Variants in ATAD2 observed in about 807,000 individuals in gnomAD.
The protein encoded by ATAD2 is ATPase family AAA domain-containing protein 2.
Under a neutral mutation model 168.9 loss-of-function variants are expected in ATAD2, and 62 were observed. The observed-to-expected ratio is 0.37, with a 90% CI of 0.30 to 0.45. The LOEUF (loss-of-function observed/expected upper bound fraction) is 0.45. Among genes scored for constraint, ATAD2 ranks in the 20% least tolerant of loss-of-function variants. ATAD2 has a pLI of 1.00. For synonymous variants in ATAD2, 613 were observed against 571.6 expected (o/e 1.07, Z -1.03); for missense variants, 1,419 against 1,667.8 (o/e 0.85, Z 2.60).
chr8:123,356,736 CT>C (rs1828657124), intron 12 of ATAD2, among the ~76,000 whole-genome samples: 1 of 151,400 alleles, frequency 6.6e-6, no homozygotes, highest in East Asian at 1.9e-4. Flanking sequence ...CAACCTCTGC[CT>C]CCTGGGTTCA....
intron 19 of ATAD2, among the ~76,000 whole-genome samples, chr8:123,343,169 T>A (rs949321194): frequency 3.3e-5 from 5 of 151,964 alleles, no homozygotes; most frequent in African/African-American, 1.2e-4. Flanking sequence ...AGAGACAAGG[T>A]TTCACCATGT....
At chr8:123,368,903 G>A (rs190960450) in intron 8 of ATAD2, among the ~76,000 whole-genome samples, 155 bp downstream of exon 8, 7 of 152,172 alleles carry the variant, frequency 4.6e-5, no homozygotes, top group African/African-American at 1.7e-4. Context: ...CAGTGGTACT[G>A]GGGATTAGAC....
chr8:123,336,882 T>C (rs1827930147), intron 21 of ATAD2, among the ~76,000 whole-genome samples: 1 of 151,948 alleles, frequency 6.6e-6, no homozygotes, highest in Non-Finnish European at 1.5e-5. Flanking sequence ...ATATCATGCC[T>C]GTAATCCCCA....
At chr8:123,357,889 C>T (rs969820390) in intron 11 of ATAD2, among the ~76,000 whole-genome samples, 153 bp from the exon 12 acceptor site, 1 of 152,172 alleles carries the variant, frequency 6.6e-6, no homozygotes, top group African/African-American at 2.4e-5. Flanking sequence ...CAAAGCACAA[C>T]TTAAAACCTG....
At chr8:123,341,876 C>A (rs1054165945) in intron 19 of ATAD2, among the ~76,000 whole-genome samples, 3 of 152,170 alleles carry the variant, frequency 2.0e-5, no homozygotes, top group African/African-American at 7.2e-5. Context: ...CACCTGAGGT[C>A]AGGAGTTCAA....
At chr8:123,365,760 A>C (rs1384998944) in intron 8 of ATAD2, among the ~76,000 whole-genome samples, 1 of 152,216 alleles carries the variant, frequency 6.6e-6, no homozygotes, top group Non-Finnish European at 1.5e-5. Flanking sequence ...CCTGATACAA[A>C]AATCAACTCA....
intron 24 of ATAD2, among the ~76,000 whole-genome samples, chr8:123,330,241 T>C (rs1827739724): frequency 6.6e-6 from 1 of 152,052 alleles, no homozygotes; most frequent in Non-Finnish European, 1.5e-5. Context: ...CCTACCACCT[T>C]AGCCTCCCAA....
At chr8:123,348,447 C>T (rs925687831) in intron 14 of ATAD2, among the ~76,000 whole-genome samples, 174 bp from the exon 15 acceptor site, 4 of 152,080 alleles carry the variant, frequency 2.6e-5, no homozygotes, top group Admixed American at 2.6e-4. Flanking sequence ...GAGGCCGAGG[C>T]AGGTGGATCA....
chr8:123,340,018 T>C (rs1397926951), intron 19 of ATAD2, among the ~76,000 whole-genome samples: 1 of 151,936 alleles, frequency 6.6e-6, no homozygotes, highest in African/African-American at 2.4e-5. Flanking sequence ...GCCTCCTGAG[T>C]AGCTGGGACT....
intron 13 of ATAD2, chr8:123,356,094 ATT>A (rs34496557): frequency 7.5e-4 from 112 of 149,216 alleles, no homozygotes; most frequent in Non-Finnish European, 1.1e-3. Context: ...CACCCGGCTA[ATT>A]TTTTTTTTTT....
chr8:123,372,666 G>A lies in ATAD2; in HGVS notation c.341C>T (p.Ala114Val). ...TCTGTGCTCTTCTTTTTTTTTATCA[G>A]CCTGCTGTCTGGCCAACTGCCTATA... ...HFTRQLARQQ[A>V]DKKKEEHRED... The change falls in exon 3 of 28, where the codon GCT becomes GTT. Residue 114 changes from alanine (A) to valine (V), a missense_variant. By Grantham distance (64) the Ala-to-Val change is moderately conservative (BLOSUM62 0). This residue lies in a region of ATAD2 where 419 missense variants were observed against 423.5 expected (regional missense o/e 0.99). Coordinates refer to ENST00000287394, the MANE Select transcript of ATAD2 (RefSeq NM_014109.4). 1 of 1,584,778 alleles carries A rather than the reference G, an allele frequency of 6.3e-7. No individual in the cohort carries two copies.
intron 19 of ATAD2, among the ~76,000 whole-genome samples, chr8:123,342,180 C>A (rs1274108205): frequency 6.6e-6 from 1 of 152,146 alleles, no homozygotes; most frequent in South Asian, 2.1e-4. Context: ...TAGCAGAAGA[C>A]AAACTTGCCA....
rs145507956 is a variant in ATAD2, at chr8:123,370,945, T to G, written c.685A>C (p.Arg229=). The G allele has an allele frequency of 2.7e-5, 44 of 1,607,958 alleles. No homozygotes were observed. The highest frequency in any genetic ancestry group is 3.6e-5 in the Non-Finnish European group (42 of 1,176,626). The change falls in exon 6 of 28, where the codon AGA becomes CGA. Residue 229 remains arginine, a synonymous_variant. Coordinates refer to ENST00000287394, the MANE Select transcript of ATAD2 (RefSeq NM_014109.4). ...TTATCAGTTGTTTCTTCATCAGTTC[T>G]TTGAATATCTTTCTGTTTTCCTCTT... The part of the protein sequence containing the change: ...YTRGKQKDIQ[R]TDEETTDNQE...
At chr8:123,411,391 G>A (rs1460381973) in intron 1 of ATAD2, among the ~76,000 whole-genome samples, 3 of 152,052 alleles carry the variant, frequency 2.0e-5, no homozygotes, top group African/African-American at 4.8e-5. Context: ...TAGAGCAGTC[G>A]TCGGCGAACC....
chr8:123,353,052 G>A (rs1325944894), intron 13 of ATAD2, among the ~76,000 whole-genome samples: 1 of 150,692 alleles, frequency 6.6e-6, no homozygotes, highest in East Asian at 2.0e-4. Flanking sequence ...GGGTAACAGA[G>A]TAAGATTCTG....
intron 15 of ATAD2, 123 bp downstream of exon 15, chr8:123,348,060 T>G: frequency 1.3e-6 from 1 of 749,402 alleles, no homozygotes; most frequent in Non-Finnish European, 2.3e-6. Flanking sequence ...CAAAAGAAAC[T>G]GTGGTTTTTG....
intron 2 of ATAD2, among the ~76,000 whole-genome samples, chr8:123,379,225 T>C (rs949234608): frequency 8.5e-5 from 13 of 152,216 alleles, no homozygotes; most frequent in Middle Eastern, 3.2e-3. Context: ...GAGTTTAAAA[T>C]GGGTTTCATG....
At chr8:123,380,054 T>C (rs1344287887) in intron 2 of ATAD2, among the ~76,000 whole-genome samples, 9 of 151,750 alleles carry the variant, frequency 5.9e-5, no homozygotes, top group African/African-American at 1.9e-4. Flanking sequence ...GCCCAGCTAA[T>C]TTTGTATATA....
intron 21 of ATAD2, 134 bp downstream of exon 21, chr8:123,337,491 C>G (rs1025042701): frequency 1.1e-5 from 9 of 802,016 alleles, no homozygotes; most frequent in Non-Finnish European, 1.6e-5. Flanking sequence ...GCTTAGGACA[C>G]TAACCCGGTA....
Sources: allele counts gnomAD v4.1 joint callset (sites outside exome capture counted in the v4.1 genomes callset), GRCh38; gene constraint gnomAD v4.1.1; regional missense constraint gnomAD v4.1.1; transcripts MANE v1.5; gene names NCBI Gene and HGNC (gene_info 2026-07-23, HGNC 2026-07-21).